Variants in MYOF observed in about 807,000 individuals in gnomAD.
The protein encoded by MYOF is fer-1-like 3, myoferlin.
Under a neutral mutation model 284.2 loss-of-function variants are expected in MYOF, and 244 were observed. That is an observed-to-expected ratio of 0.86 (90% confidence interval 0.77 to 0.95). The LOEUF (loss-of-function observed/expected upper bound fraction) is 0.95. Among genes scored for constraint, MYOF ranks in the 40% least tolerant of loss-of-function variants. The probability of loss-of-function intolerance (pLI) is 0.00; values close to 1 mark genes in which losing one functional copy is unlikely to be tolerated. For synonymous variants in MYOF, 904 were observed against 919.7 expected (o/e 0.98, Z 0.31); for missense variants, 2,496 against 2,560.6 (o/e 0.97, Z 0.54).
At chr10:93,326,655 C>T (rs568950580) in intron 45 of MYOF, among the ~76,000 whole-genome samples, 12 of 152,300 alleles carry the variant, frequency 7.9e-5, no homozygotes, top group East Asian at 1.9e-4. Flanking sequence ...GAGACAGTCT[C>T]GCTCTGTCAT....
chr10:93,408,236 C>T (rs1168642254), intron 7 of MYOF, among the ~76,000 whole-genome samples: 1 of 151,826 alleles, frequency 6.6e-6, no homozygotes, highest in Non-Finnish European at 1.5e-5. Flanking sequence ...TTTAGATTGT[C>T]CCAAGTGAAC....
At chr10:93,455,089 A>G (rs2056707471) in intron 2 of MYOF, among the ~76,000 whole-genome samples, 1 of 150,780 alleles carries the variant, frequency 6.6e-6, no homozygotes, top group Non-Finnish European at 1.5e-5. Flanking sequence ...CGACAGTTCG[A>G]GACCAGCCTG....
chr10:93,336,920 AG>A, intron 40 of MYOF, among the ~76,000 whole-genome samples: 1 of 150,108 alleles, frequency 6.7e-6, no homozygotes, highest in African/African-American at 2.4e-5. Context: ...AAGGAAGGGA[AG>A]GAAAGGAAGG....
chr10:93,390,071 T>G (rs1339767080), intron 17 of MYOF, among the ~76,000 whole-genome samples: 1 of 152,236 alleles, frequency 6.6e-6, no homozygotes, highest in African/African-American at 2.4e-5. Context: ...CTTCAGCCTA[T>G]CTTTCAGCAT....
chr10:93,363,341 T>C (rs995537527), intron 27 of MYOF, among the ~76,000 whole-genome samples: 4 of 152,228 alleles, frequency 2.6e-5, no homozygotes, highest in African/African-American at 9.6e-5. Flanking sequence ...GCTTGGATTT[T>C]TTAAAGACAG....
chr10:93,456,851 TA>T, intron 2 of MYOF, 30 bp downstream of exon 2: 1 of 1,527,980 alleles, frequency 6.5e-7, no homozygotes, highest in Middle Eastern at 1.7e-4. Context: ...GCTTATCTAT[TA>T]AAACAAAGTT....
At chr10:93,314,766 G>A (rs775154361) in intron 50 of MYOF, among the ~76,000 whole-genome samples, 86 of 152,262 alleles carry the variant, frequency 5.6e-4, no homozygotes, top group African/African-American at 2.0e-3. Flanking sequence ...TCCAAGGGAA[G>A]GCCAGGCATG....
Position 93,325,957 on chromosome 10 carries a change from T to C in MYOF, c.5140A>G (p.Lys1714Glu). The C allele has an allele frequency of 1.2e-6, 2 of 1,614,040 alleles. No individual in the cohort carries two copies. Among genetic ancestry groups the C allele is most frequent in the Non-Finnish European group, 1.7e-6 (2 of 1,179,952 alleles). Residue 1714 changes from lysine (K) to glutamate (E), a missense_variant, in exon 46 of 54, where the codon AAA becomes GAA. Physicochemically the swap from Lys to Glu is moderately conservative, Grantham distance 56. Transcript: ENST00000359263. The part of the protein sequence containing the change: ...DYSLDEFEAN[K>E]ILHQHLGAPE... Reference sequence around the variant, plus strand: ...GCCCCGAGGTGCTGGTGCAGGATTTTGTTGGCTTCTGCAATGGAAAGCAGC... The same window carrying C: ...GCCCCGAGGTGCTGGTGCAGGATTTCGTTGGCTTCTGCAATGGAAAGCAGC...
chr10:93,388,843 G>A (rs935177255), intron 18 of MYOF, among the ~76,000 whole-genome samples, 187 bp downstream of exon 18: 1 of 152,242 alleles, frequency 6.6e-6, no homozygotes, highest in African/African-American at 2.4e-5. Context: ...CATAGAAGTT[G>A]GGGGAAATGG....
At chr10:93,384,105 G>A (rs1026629178) in intron 19 of MYOF, among the ~76,000 whole-genome samples, 3 of 152,162 alleles carry the variant, frequency 2.0e-5, no homozygotes, top group African/African-American at 7.2e-5. Flanking sequence ...AGATGGAGCC[G>A]CTGGATCACT....
chr10:93,350,895 G>A (rs1001813778), intron 35 of MYOF, among the ~76,000 whole-genome samples: 4 of 152,026 alleles, frequency 2.6e-5, no homozygotes, highest in South Asian at 2.1e-4. Flanking sequence ...CATATACACC[G>A]TCATTCTCTT....
rs369548229 is a variant in MYOF at position 93,482,130 on chromosome 10, G to T, written c.65C>A (p.Pro22His). ...ACCCTTAAAAATGACAGAAACAATA[G>T]GATCCGGCTTGCCAAATTTCGTTTT... ...IPKTKFGKPD[P>H]IVSVIFKDEK... is the part of the protein sequence containing the mutation. Residue 22 changes from proline to histidine, a missense_variant, in exon 1 of 54, where the codon CCT becomes CAT. Pro to His is a moderately conservative substitution (Grantham distance 77, BLOSUM62 -2). Transcript: ENST00000359263. 4.0e-5 allele frequency: 64 copies of T among 1,613,930 alleles called. No individual in the cohort carries two copies. Among genetic ancestry groups the T allele is most frequent in the Non-Finnish European group, 5.2e-5 (61 of 1,179,938 alleles).
At chr10:93,401,352 G>A in intron 12 of MYOF, 66 bp downstream of exon 12, 1 of 1,585,136 alleles carries the variant, frequency 6.3e-7, no homozygotes, top group Non-Finnish European at 8.6e-7. Context: ...ATTAAAGTTT[G>A]ATTTTTAACA....
intron 1 of MYOF, chr10:93,478,280 C>T (rs1285478745): frequency 1.9e-5 from 5 of 258,936 alleles, no homozygotes; most frequent in Admixed American, 1.0e-4. Flanking sequence ...TTCAGCTTCA[C>T]AGCCTGGCTG....
At chr10:93,357,655 G>C (rs1186760670) in intron 29 of MYOF, among the ~76,000 whole-genome samples, 1 of 152,122 alleles carries the variant, frequency 6.6e-6, no homozygotes, top group Non-Finnish European at 1.5e-5. Flanking sequence ...ATTATTGTTG[G>C]GTCTATTTTT....
intron 15 of MYOF, among the ~76,000 whole-genome samples, chr10:93,396,511 C>G (rs1255340622): frequency 6.6e-6 from 1 of 152,148 alleles, no homozygotes; most frequent in African/African-American, 2.4e-5. Context: ...AGATGGTCCT[C>G]CAGTCACCCT....
At chr10:93,477,170 A>T (rs7913649) in intron 1 of MYOF, among the ~76,000 whole-genome samples, 145,083 of 152,304 alleles carry the variant, frequency 0.95, 69,507 homozygotes, top group East Asian at 1. Context: ...TGGAAGCCTA[A>T]GGCAAGATCC....
chr10:93,442,433 A>G (rs946995872), intron 3 of MYOF, among the ~76,000 whole-genome samples: 5 of 152,212 alleles, frequency 3.3e-5, no homozygotes, highest in Non-Finnish European at 4.4e-5. Flanking sequence ...GAGTCACCCA[A>G]CCAACAAGAA....
intron 26 of MYOF, 99 bp from the exon 27 acceptor site, chr10:93,364,174 C>T: frequency 1.1e-6 from 1 of 886,262 alleles, no homozygotes; most frequent in Non-Finnish European, 1.8e-6. Context: ...CTGGGAGTGG[C>T]ACCACTTCCC....
Sources: allele counts gnomAD v4.1 joint callset (sites outside exome capture counted in the v4.1 genomes callset), GRCh38; gene constraint gnomAD v4.1.1; transcripts MANE v1.5; gene names NCBI Gene and HGNC (gene_info 2026-07-23, HGNC 2026-07-21).